Variants in ANKRD28 observed in about 807,000 individuals in gnomAD.
The protein encoded by ANKRD28 is serine/threonine-protein phosphatase 6 regulatory ankyrin repeat subunit A.
A neutral mutation model predicts 126.5 loss-of-function variants in ANKRD28; 44 were observed. The ratio of observed to expected loss-of-function variants is 0.35; its 90% CI spans 0.27 to 0.45. The LOEUF (loss-of-function observed/expected upper bound fraction) is 0.45. Ranked by LOEUF, ANKRD28 falls within the 20% of genes least tolerant of loss-of-function variation. ANKRD28 has a pLI of 1.00. For synonymous variants in ANKRD28, 442 were observed against 468.5 expected (o/e 0.94, Z 0.73); for missense variants, 1,110 against 1,316.6 (o/e 0.84, Z 2.43).
At chr3:15,721,730 C>A (rs2073753615) in intron 7 of ANKRD28, among the ~76,000 whole-genome samples, 1 of 152,120 alleles carries the variant, frequency 6.6e-6, no homozygotes, top group Middle Eastern at 3.4e-3. Flanking sequence ...AGAAACAATT[C>A]ATGTAATTAA....
chr3:15,804,077 A>T lies in ANKRD28; in HGVS notation c.28-8771T>A, dbSNP rs186613008. 5.5e-5 allele frequency among the ~76,000 whole-genome samples: 8 copies of T among 145,470 alleles called. 1 individual carries two copies. The highest frequency in any genetic ancestry group is 4.7e-4 in the Admixed American group (7 of 14,764). Reference sequence around the variant, plus strand: ...AAACACTCAACAAAAATACCACAGCACTGATTAAACAATTATTAGACATTC... The same window carrying T: ...AAACACTCAACAAAAATACCACAGCTCTGATTAAACAATTATTAGACATTC... On this transcript the variant is annotated intron_variant, in intron 1 of 27. Transcript: ENST00000399451.
In ANKRD28 at chr3:15,778,863, G is replaced by C. The variant is rs987847276; in HGVS notation, c.202-12551C>G. 7.9e-5 allele frequency among the ~76,000 whole-genome samples: 12 copies of C among 152,122 alleles called. 1 individual carries two copies. The highest frequency in any genetic ancestry group is 1.0e-4 in the Non-Finnish European group (7 of 68,012). On this transcript the variant is annotated intron_variant, in intron 2 of 27. Coordinates refer to ENST00000683139, the MANE Select transcript of ANKRD28 (RefSeq NM_001349278.2). ...GACTAGGTGGAGGTAAATGAATCAT[G>C]GGGGGCAGTTCCCCCATGCTATTCT... is the stretch of plus-strand genomic sequence containing the variant.
intron 14 of ANKRD28, among the ~76,000 whole-genome samples, chr3:15,697,069 A>T (rs1308074155): frequency 2.0e-5 from 3 of 152,210 alleles, no homozygotes; most frequent in African/African-American, 7.2e-5. Flanking sequence ...ACGAGTGCGT[A>T]AAGAAAATGT....
intron 1 of ANKRD28, among the ~76,000 whole-genome samples, chr3:15,823,262 T>A (rs779583710): frequency 6.6e-6 from 1 of 152,214 alleles, no homozygotes; most frequent in Non-Finnish European, 1.5e-5. Context: ...CTGCCACTGA[T>A]CTGACAGGAG....
At chr3:15,767,700 TAAA>T (rs57072807) in intron 2 of ANKRD28, among the ~76,000 whole-genome samples, 20 of 64,320 alleles carry the variant, frequency 3.1e-4, no homozygotes, top group Non-Finnish European at 4.4e-4. Context: ...TAGTCTCTAC[TAAA>T]AAAAAAAAAA....
intron 1 of ANKRD28, among the ~76,000 whole-genome samples, chr3:15,824,662 G>A (rs1284202217): frequency 6.6e-6 from 1 of 152,250 alleles, no homozygotes; most frequent in East Asian, 1.9e-4. Context: ...GACTAAGAAG[G>A]CCCAGGCCTA....
At chr3:15,720,318 C>T (rs1459184187) in intron 8 of ANKRD28, among the ~76,000 whole-genome samples, 1 of 152,116 alleles carries the variant, frequency 6.6e-6, no homozygotes, top group African/African-American at 2.4e-5. Flanking sequence ...AGTGAACATC[C>T]ATATACATAC....
intron 2 of ANKRD28, among the ~76,000 whole-genome samples, chr3:15,774,208 G>A (rs1354669072): frequency 6.6e-6 from 1 of 152,152 alleles, no homozygotes; most frequent in Non-Finnish European, 1.5e-5. Context: ...TGTGGGTTGT[G>A]TAAAGAGCTC....
chr3:15,849,839 T>C (rs765933646), intron 1 of ANKRD28, among the ~76,000 whole-genome samples: 2 of 152,200 alleles, frequency 1.3e-5, no homozygotes, highest in African/African-American at 2.4e-5. Flanking sequence ...TTCAATCTCT[T>C]GTGAAGATCA....
At chr3:15,773,697 A>T (rs1219286326) in intron 2 of ANKRD28, among the ~76,000 whole-genome samples, 1 of 152,234 alleles carries the variant, frequency 6.6e-6, no homozygotes, top group Admixed American at 6.5e-5. Context: ...ACACCTAAGT[A>T]AATGATGAGA....
chr3:15,708,762 T>C (rs1207916939), intron 13 of ANKRD28, among the ~76,000 whole-genome samples: 1 of 152,202 alleles, frequency 6.6e-6, no homozygotes, highest in Non-Finnish European at 1.5e-5. Context: ...GTAATTATGG[T>C]GTCAAATAGT....
chr3:15,780,640 C>T (rs902208753), intron 2 of ANKRD28, among the ~76,000 whole-genome samples: 2 of 152,124 alleles, frequency 1.3e-5, no homozygotes, highest in East Asian at 3.9e-4. Context: ...AAAAACAAAG[C>T]TGGAGGCATC....
intron 11 of ANKRD28, among the ~76,000 whole-genome samples, 152 bp downstream of exon 11, chr3:15,711,988 G>A (rs1270864669): frequency 6.6e-6 from 1 of 151,924 alleles, no homozygotes; most frequent in African/African-American, 2.4e-5. Flanking sequence ...GAGCCACCAC[G>A]CCAGACCTGA....
chr3:15,836,069 G>GA (rs1179727897), intron 1 of ANKRD28, among the ~76,000 whole-genome samples: 1 of 151,492 alleles, frequency 6.6e-6, no homozygotes, highest in Admixed American at 6.6e-5. Context: ...GAATTATATT[G>GA]AAAAAAAGAG....
chr3:15,680,967 T>C (rs1031892451), intron 21 of ANKRD28, among the ~76,000 whole-genome samples: 1 of 152,100 alleles, frequency 6.6e-6, no homozygotes, highest in Non-Finnish European at 1.5e-5. Context: ...ACGGCCAACA[T>C]TTTGTTTTTA....
At chr3:15,823,807 T>C (rs954935049) in intron 1 of ANKRD28, among the ~76,000 whole-genome samples, 1 of 152,118 alleles carries the variant, frequency 6.6e-6, no homozygotes, top group African/African-American at 2.4e-5. Flanking sequence ...ATGAAAGGAA[T>C]AAAAACATTA....
chr3:15,841,300 T>C lies in ANKRD28; in HGVS notation c.27+18077A>G, dbSNP rs145009241. 1.5e-4 allele frequency among the ~76,000 whole-genome samples: 23 copies of C among 152,306 alleles called. 1 individual carries two copies. In the East Asian group the frequency reaches 4.0e-3, roughly 27 times the overall value. The stretch of plus-strand genomic sequence containing the variant: ...ACTGACTGGGCAAAGATTTCTTGGC[T>C]AATACTCCACAAGCACAGGCAATCA... On this transcript the variant is annotated intron_variant, in intron 1 of 27. Coordinates refer to the ANKRD28 transcript ENST00000399451.
intron 1 of ANKRD28, among the ~76,000 whole-genome samples, chr3:15,808,989 C>A (rs1469422934): frequency 1.3e-4 from 20 of 151,896 alleles, no homozygotes; most frequent in East Asian, 5.8e-4. Context: ...CTACACACAC[C>A]CCCCTTTTTT....
At chr3:15,720,256 C>A (rs1157255557) in intron 8 of ANKRD28, among the ~76,000 whole-genome samples, 1 of 152,078 alleles carries the variant, frequency 6.6e-6, no homozygotes, top group Non-Finnish European at 1.5e-5. Context: ...TTATGTGCAA[C>A]ACACTGACAG....
Sources: gnomAD v4.1 joint callset for allele counts (sites outside exome capture counted in the v4.1 genomes callset) on GRCh38, gnomAD v4.1.1 for gene constraint, MANE v1.5 for transcripts, NCBI Gene and HGNC (gene_info 2026-07-23, HGNC 2026-07-21) for gene names.